ATOSA: variants seen among roughly 807,000 people sequenced by gnomAD.
ATOSA encodes the protein atos homolog A, also known as atos homolog protein A.
At chr15:52,632,359 G>T in the ATOSA span, among the ~76,000 whole-genome samples, 1 of 152,080 alleles carries the variant, frequency 6.6e-6, no homozygotes, top group Admixed American at 6.6e-5. Context: ...TTTATTAAGG[G>T]TTAAATAAGA....
At chr15:52,624,488 T>G in the ATOSA span, among the ~76,000 whole-genome samples, 1 of 152,180 alleles carries the variant, frequency 6.6e-6, no homozygotes, top group Non-Finnish European at 1.5e-5. Flanking sequence ...TTCACTCTGT[T>G]CCATGGACAG....
At chr15:52,688,721 G>A in the ATOSA span, among the ~76,000 whole-genome samples, 1 of 152,330 alleles carries the variant, frequency 6.6e-6, no homozygotes, top group African/African-American at 2.4e-5. Flanking sequence ...GAAGCCATCA[G>A]CCTGTAAATG....
chr15:52,610,325 C>G, the ATOSA span: 4 of 1,613,792 alleles, frequency 2.5e-6, no homozygotes, highest in Non-Finnish European at 3.4e-6. Flanking sequence ...ACAGGAAACA[C>G]ATGCTCAATT....
At chr15:52,664,156 T>G in the ATOSA span, among the ~76,000 whole-genome samples, 1 of 152,200 alleles carries the variant, frequency 6.6e-6, no homozygotes, top group Non-Finnish European at 1.5e-5. Flanking sequence ...TAGGAAACCA[T>G]GGACTGACAG....
chr15:52,658,928 T>G, the ATOSA span: 3 of 396,124 alleles, frequency 7.6e-6, no homozygotes, highest in Non-Finnish European at 1.3e-5. Context: ...GAGGTTGCAG[T>G]GAGCCACGAT....
chr15:52,609,281 T>C, the ATOSA span: 1 of 1,613,976 alleles, frequency 6.2e-7, no homozygotes, highest in African/African-American at 1.3e-5. Flanking sequence ...GAACATTTTG[T>C]GTGAGAAATG....
At chr15:52,682,246 G>T in the ATOSA span, among the ~76,000 whole-genome samples, 5 of 151,894 alleles carry the variant, frequency 3.3e-5, no homozygotes, top group Non-Finnish European at 7.4e-5. Flanking sequence ...CATAATAGTA[G>T]GAACCCATTG....
chr15:52,613,197 C>T, the ATOSA span, among the ~76,000 whole-genome samples: 1 of 152,134 alleles, frequency 6.6e-6, no homozygotes. Context: ...AAAACACCGC[C>T]TCTACTAAAA....
the ATOSA span, among the ~76,000 whole-genome samples, chr15:52,584,200 A>G: frequency 6.9e-6 from 1 of 144,744 alleles, no homozygotes; most frequent in Non-Finnish European, 1.5e-5. Flanking sequence ...GCTGGAGTCC[A>G]ATGGTGTGAT....
the ATOSA span, among the ~76,000 whole-genome samples, chr15:52,664,955 G>A: frequency 9.3e-4 from 141 of 152,014 alleles, no homozygotes; most frequent in African/African-American, 3.2e-3. Flanking sequence ...GGGGGTGGGG[G>A]GGTGCAGGGG....
At chr15:52,677,859 C>T in the ATOSA span, 1 of 1,167,220 alleles carries the variant, frequency 8.6e-7, no homozygotes, top group Non-Finnish European at 1.3e-6. Flanking sequence ...TTCTCTACCT[C>T]ACCAGCTGGA....
the ATOSA span, among the ~76,000 whole-genome samples, chr15:52,680,160 G>GC: frequency 6.6e-5 from 10 of 152,030 alleles, no homozygotes; most frequent in Admixed American, 6.5e-4. Context: ...TTGTGCTATA[G>GC]CAATGTGACA....
the ATOSA span, among the ~76,000 whole-genome samples, chr15:52,684,406 A>G: frequency 2.0e-5 from 3 of 152,166 alleles, no homozygotes; most frequent in Admixed American, 6.5e-5. Context: ...GCACGATGGC[A>G]TGAACCTGTA....
At chr15:52,584,317 T>C in the ATOSA span, among the ~76,000 whole-genome samples, 1 of 151,844 alleles carries the variant, frequency 6.6e-6, no homozygotes, top group South Asian at 2.1e-4. Context: ...AATTTTTGTA[T>C]TTTTAGTAGA....
At chr15:52,607,656 C>T in the ATOSA span, among the ~76,000 whole-genome samples, 1 of 152,090 alleles carries the variant, frequency 6.6e-6, no homozygotes, top group African/African-American at 2.4e-5. Flanking sequence ...AACCAAGTAC[C>T]CTATTAGGTT....
the ATOSA span, chr15:52,600,383 C>T: frequency 7.9e-6 from 4 of 504,384 alleles, no homozygotes; most frequent in South Asian, 8.9e-5. Flanking sequence ...TTCAGGCAAT[C>T]CTCCTGCCTC....
At chr15:52,604,802 T>G in the ATOSA span, among the ~76,000 whole-genome samples, 4 of 152,174 alleles carry the variant, frequency 2.6e-5, no homozygotes, top group African/African-American at 9.7e-5. Flanking sequence ...ACAGCAATAG[T>G]TTTAACTTGC....
chr15:52,614,736 T>C, the ATOSA span, among the ~76,000 whole-genome samples: 1 of 151,854 alleles, frequency 6.6e-6, no homozygotes, highest in African/African-American at 2.4e-5. Flanking sequence ...TAATCTCAGC[T>C]ACTCAGGAGG....
chr15:52,680,407 C>T, the ATOSA span, among the ~76,000 whole-genome samples: 1 of 151,944 alleles, frequency 6.6e-6, no homozygotes, highest in Admixed American at 6.6e-5. Context: ...AAAAGGATCA[C>T]AGGAAAGTAT....
Sources: gnomAD v4.1 joint callset for allele counts (sites outside exome capture counted in the v4.1 genomes callset) on GRCh38, gnomAD v4.1.1 for gene constraint, MANE v1.5 for transcripts, NCBI Gene and HGNC (gene_info 2026-07-23, HGNC 2026-07-21) for gene names.